PCNT: variants seen among roughly 807,000 people sequenced by gnomAD.
The protein encoded by PCNT is kendrin.
Under a neutral mutation model 380.4 loss-of-function variants are expected in PCNT, and 319 were observed. The ratio of observed to expected loss-of-function variants is 0.84; its 90% CI spans 0.77 to 0.92. The LOEUF is 0.92. Among genes scored for constraint, PCNT ranks in the 40% least tolerant of loss-of-function variants. The pLI is 0.00. For synonymous variants in PCNT, 1,845 were observed against 1,735.2 expected (o/e 1.06, Z -1.57); for missense variants, 4,400 against 4,255.3 (o/e 1.03, Z -0.95).
In PCNT at chr21:46,425,034, G is replaced by C. The variant is rs1316315110; in HGVS notation, c.7180-797G>C. On this transcript the variant is annotated intron_variant, in intron 32 of 46. Transcript: ENST00000359568. The surrounding 1 kb of genome is among the most constrained non-coding windows in gnomAD (Gnocchi z 4.2). ...CCTCATTTTGCATTTCCCTCTTTTT[G>C]GACTTTATTAGATTATTTTTCTCTT... 6.6e-6 allele frequency among the ~76,000 whole-genome samples: 1 copy of C among 151,966 alleles called. No homozygotes were observed. Among genetic ancestry groups the C allele is most frequent in the Non-Finnish European group, 1.5e-5 (1 of 68,006 alleles).
intron 21 of PCNT, among the ~76,000 whole-genome samples, chr21:46,392,999 G>T (rs2086084271): frequency 1.3e-5 from 2 of 152,120 alleles, no homozygotes; most frequent in Admixed American, 1.3e-4. Context: ...TAGTCATTTA[G>T]CCAAGTTTTA....
chr21:46,426,192 C>G (rs2087499030), intron 33 of PCNT, among the ~76,000 whole-genome samples: 1 of 150,456 alleles, frequency 6.6e-6, no homozygotes, highest in Non-Finnish European at 1.5e-5. Context: ...TGCCACCATG[C>G]CCAGCTAATT....
At chr21:46,424,353 G>A (rs988609360) in intron 32 of PCNT, among the ~76,000 whole-genome samples, 4 of 152,188 alleles carry the variant, frequency 2.6e-5, no homozygotes, top group Admixed American at 2.0e-4. Context: ...AGGCAGAGCC[G>A]CCTGGTCCTG....
At chr21:46,397,568 G>T in intron 22 of PCNT, 74 bp downstream of exon 22, 1 of 1,250,390 alleles carries the variant, frequency 8.0e-7, no homozygotes. Context: ...TTTCCAGATC[G>T]TTACGTAAGC....
At chr21:46,359,873 CT>C (rs1378125816) in intron 13 of PCNT, among the ~76,000 whole-genome samples, 1 of 135,554 alleles carries the variant, frequency 7.4e-6, no homozygotes, top group African/African-American at 2.7e-5. Context: ...TTTTTTTTTT[CT>C]TTTTTTTTGA....
chr21:46,432,295 C>G (rs992256351), intron 38 of PCNT, 80 bp downstream of exon 38: 21 of 1,376,676 alleles, frequency 1.5e-5, no homozygotes, highest in South Asian at 1.2e-5. Context: ...GTGGGGGACG[C>G]GAGATTTATG....
At chr21:46,437,159 T>C (rs979164819) in intron 40 of PCNT, 78 bp downstream of exon 40, 1 of 897,528 alleles carries the variant, frequency 1.1e-6, no homozygotes, top group Non-Finnish European at 1.8e-6. Flanking sequence ...GTGGTTCTTT[T>C]TCACGCTTCC....
intron 27 of PCNT, among the ~76,000 whole-genome samples, chr21:46,408,429 T>C (rs1359756139): frequency 6.6e-6 from 1 of 152,250 alleles, no homozygotes; most frequent in Non-Finnish European, 1.5e-5. Flanking sequence ...ACTGAATGCA[T>C]GGCTGATTCA....
Position 46,432,163 on chromosome 21 carries a change from G to C in PCNT, c.8699G>C (p.Ser2900Thr), listed in dbSNP as rs2087794358. The C allele has an allele frequency of 1.2e-6, 2 of 1,613,386 alleles. No homozygotes were observed. Among genetic ancestry groups the C allele is most frequent in the South Asian group, 2.2e-5 (2 of 91,066 alleles). Reference sequence around the variant, plus strand: ...AGGAGGAGCGCGGAGGCCAGGCAGAGCCCAGCGGCTGCGGAGCAGTGGAGG... The same window carrying C: ...AGGAGGAGCGCGGAGGCCAGGCAGACCCCAGCGGCTGCGGAGCAGTGGAGG... ...AARRSAEARQ[S>T]PAAAEQWRKW... Residue 2900 changes from serine to threonine, a missense_variant, in exon 38 of 47, where the codon AGC (serine) becomes ACC (threonine). Physicochemically the swap from Ser to Thr is moderately conservative, Grantham distance 58. Transcript: ENST00000359568.
intron 7 of PCNT, 79 bp from the exon 8 acceptor site, chr21:46,349,605 T>C: frequency 6.8e-7 from 1 of 1,475,142 alleles, no homozygotes. Context: ...GCGCTCTGGG[T>C]GCACCATTAT....
chr21:46,418,141 G>A, intron 30 of PCNT, 63 bp from the exon 31 acceptor site: 1 of 1,046,386 alleles, frequency 9.6e-7, no homozygotes, highest in Non-Finnish European at 1.5e-6. Flanking sequence ...TTTTCACCTG[G>A]CAAAGTCAGC....
chr21:46,364,624 C>T (rs572845873), intron 14 of PCNT, among the ~76,000 whole-genome samples: 66 of 152,334 alleles, frequency 4.3e-4, no homozygotes, highest in African/African-American at 1.5e-3. Context: ...CATACACACT[C>T]TTCTTTGAAG....
chr21:46,325,096 C>A (rs1050414683), intron 1 of PCNT: 5 of 985,360 alleles, frequency 5.1e-6, no homozygotes, highest in Non-Finnish European at 6.0e-6. Flanking sequence ...GGTTTGATGG[C>A]CACTGTCCTA....
intron 27 of PCNT, among the ~76,000 whole-genome samples, chr21:46,407,207 G>A (rs57095035): frequency 0.18 from 27,077 of 151,966 alleles, 4,482 homozygotes; most frequent in African/African-American, 0.44. Flanking sequence ...GAGATTGATG[G>A]TAATTAATTT....
Position 46,436,469 on chromosome 21 carries a change from G to GCCCCCCC in PCNT, c.8996+321_8996+322insCCCCCCC, listed in dbSNP as rs769557050. ...CAGGGTCGGGTTTGGAGCCTCCTGT[G>GCCCCCCC]GCCCCCCCCCCCCCCCCCCGCTGGC... On this transcript the variant is annotated intron_variant, in intron 39 of 46. Transcript: ENST00000359568. Among the ~76,000 whole-genome samples the GCCCCCCC allele has an allele frequency of 2.1e-3, 83 of 40,034 alleles. 29 individuals are homozygous for GCCCCCCC. Among genetic ancestry groups the GCCCCCCC allele is most frequent in the South Asian group, 4.0e-3 (4 of 1,012 alleles). 26.3% of individuals were successfully genotyped at this position (40,034 alleles called of 152,430 possible). A position where few individuals can be genotyped will look rare whatever the true frequency, so the allele number is the denominator to read the frequency against.
At chr21:46,434,732 G>T (rs184687482) in intron 38 of PCNT, among the ~76,000 whole-genome samples, 184 of 152,358 alleles carry the variant, frequency 1.2e-3, no homozygotes, top group African/African-American at 3.8e-3. Context: ...AGGAGCTCAG[G>T]CCCACGTGGC....
chr21:46,365,568 T>TTCACTCCCATGTGGTTCTGA (rs2084888405), intron 14 of PCNT, among the ~76,000 whole-genome samples: 1 of 99,878 alleles, frequency 1.0e-5, no homozygotes, highest in African/African-American at 3.5e-5. Flanking sequence ...TGGGGTTCTG[T>TTCACTCCCATGTGGTTCTGA]TCACTCCCAT....
At chr21:46,412,706 T>C in intron 28 of PCNT, 131 bp from the exon 29 acceptor site, 2 of 955,408 alleles carry the variant, frequency 2.1e-6, no homozygotes, top group South Asian at 2.6e-5. Flanking sequence ...TGCTCGGCTG[T>C]GGATGTCACT....
At chr21:46,420,267 A>G (rs1406824318) in intron 31 of PCNT, among the ~76,000 whole-genome samples, 1 of 152,072 alleles carries the variant, frequency 6.6e-6, no homozygotes, top group Non-Finnish European at 1.5e-5. Context: ...AATTCCTGTT[A>G]TTCAACTATA....
Sources: gnomAD v4.1 joint callset for allele counts (sites outside exome capture counted in the v4.1 genomes callset) on GRCh38, gnomAD v4.1.1 for gene constraint, Gnocchi (gnomAD v3.1) non-coding constraint, MANE v1.5 for transcripts, NCBI Gene and HGNC (gene_info 2026-07-23, HGNC 2026-07-21) for gene names.